PHF3: variants seen among roughly 807,000 people sequenced by gnomAD.
PHF3 encodes PHD finger protein 3.
Under a neutral mutation model 178.4 loss-of-function variants are expected in PHF3, and 41 were observed. That is an observed-to-expected ratio of 0.23 (90% CI 0.18 to 0.30). The LOEUF (loss-of-function observed/expected upper bound fraction) is 0.30. PHF3 is among the 10% of genes least tolerant of loss of function. The pLI, the probability that PHF3 is intolerant of heterozygous loss-of-function variation, is 1.00. For missense variants in PHF3, 2,346 were observed against 2,398.1 expected (o/e 0.98, Z 0.45); for synonymous variants, 842 against 800.5 (o/e 1.05, Z -0.88).
chr6:63,644,560 A>G (rs768090643), intron 1 of PHF3, among the ~76,000 whole-genome samples: 4 of 152,208 alleles, frequency 2.6e-5, no homozygotes. Flanking sequence ...GAGAGAATGC[A>G]TGTAAAATAA....
rs371403690 is a variant in PHF3 at position 63,711,858 on chromosome 6, G to T, written c.4270G>T (p.Ala1424Ser). 6.2e-7 allele frequency: 1 copy of T among 1,613,944 alleles called. No individual in the cohort carries two copies. The highest frequency in any genetic ancestry group is 1.3e-5 in the African/African-American group (1 of 74,910). The change falls in exon 16 of 16, where the codon GCA becomes TCA. Residue 1424 changes from alanine to serine, a missense_variant. Transcript: ENST00000262043. ...QQNLQEDLPT[A>S]VEPLMEVTKQ... ...GAATCTTCAGGAAGACCTTCCAACA[G>T]CAGTTGAACCTTTAATGGAAGTCAC...
At chr6:63,693,786 A>T (rs1767110794) in intron 5 of PHF3, among the ~76,000 whole-genome samples, 1 of 152,038 alleles carries the variant, frequency 6.6e-6, no homozygotes, top group African/African-American at 2.4e-5. Context: ...TCTCTCTTGG[A>T]CTTGTCTGAT....
chr6:63,648,399 A>C (rs1040980700), intron 2 of PHF3, among the ~76,000 whole-genome samples: 1 of 152,168 alleles, frequency 6.6e-6, no homozygotes, highest in Non-Finnish European at 1.5e-5. Context: ...TAATATTAAC[A>C]TGGTTGTTGC....
intron 2 of PHF3, among the ~76,000 whole-genome samples, chr6:63,669,058 A>T (rs1037349600): frequency 1.4e-4 from 22 of 152,234 alleles, no homozygotes; most frequent in African/African-American, 5.3e-4. Context: ...AATGTTGATC[A>T]TGCTTTAAAT....
In PHF3 at chr6:63,706,850, T is replaced by C. The variant is rs1485782368; in HGVS notation, c.3685T>C (p.Ser1229Pro). The change falls in exon 13 of 16, where the codon TCT becomes CCT. Residue 1229 changes from serine (S) to proline (P), a missense_variant. Transcript: ENST00000262043. ...ATTTGTTACCAAAGCCTATCCAGTATCTGGCTCCCCAGAATACCTGACAGA... is the reference window on the plus strand; with the variant it reads ...ATTTGTTACCAAAGCCTATCCAGTACCTGGCTCCCCAGAATACCTGACAGA... ...AKFVTKAYPV[S>P]GSPEYLTEDL... The C allele has an allele frequency of 6.2e-7, 1 of 1,614,024 alleles. No individual in the cohort carries two copies. The highest frequency in any genetic ancestry group is 1.3e-5 in the African/African-American group (1 of 75,060).
chr6:63,710,795 T>C (rs1207922337), intron 14 of PHF3, among the ~76,000 whole-genome samples: 2 of 152,152 alleles, frequency 1.3e-5, no homozygotes, highest in Non-Finnish European at 2.9e-5. Context: ...AGCAGCCCTT[T>C]GTGGAGGTTA....
intron 2 of PHF3, among the ~76,000 whole-genome samples, chr6:63,663,884 A>G (rs561672415): frequency 2.0e-5 from 3 of 152,320 alleles, no homozygotes; most frequent in South Asian, 2.1e-4. Flanking sequence ...ATTCCACTCA[A>G]TAAAAAAGGG....
intron 9 of PHF3, 22 bp downstream of exon 9, chr6:63,700,488 C>T: frequency 8.2e-7 from 1 of 1,223,352 alleles, no homozygotes; most frequent in Non-Finnish European, 1.2e-6. Flanking sequence ...TATAAATATG[C>T]ATTTGACTAT....
rs1768457056 is a variant in PHF3, at chr6:63,722,814, G to T, written c.*9106G>T. The stretch of plus-strand genomic sequence containing the variant: ...TATTCTCCATTGTGGTCTATACCAA[G>T]CCATTCTAGACTGGTTGGAATGTTT... On this transcript the variant is annotated 3_prime_UTR_variant, in exon 16 of 16. Transcript: ENST00000262043. 6.6e-6 allele frequency among the ~76,000 whole-genome samples: 1 copy of T among 152,158 alleles called. No homozygotes were observed. Among genetic ancestry groups the T allele is most frequent in the South Asian group, 2.1e-4 (1 of 4,830 alleles).
At position 63,635,880 on chromosome 6, in the gene PHF3, C is replaced by T; in HGVS notation, c.-296C>T. ...CGATGGCTGCGGGGTCTCGCGCCGT[C>T]GCACCGTCCCCACGCGGCAAGCGAC... On this transcript the variant is annotated 5_prime_UTR_variant, in exon 1 of 16. Coordinates refer to ENST00000262043, the MANE Select transcript of PHF3 (RefSeq NM_001370348.2). The T allele has an allele frequency of 2.5e-6, 1 of 397,754 alleles. No homozygotes were observed. The highest frequency in any genetic ancestry group is 4.4e-5 in the Admixed American group (1 of 22,698). 24.6% of individuals were successfully genotyped at this position (397,754 alleles called of 1,614,324 possible).
At chr6:63,693,230 G>A (rs893282412) in intron 5 of PHF3, among the ~76,000 whole-genome samples, 9 of 152,044 alleles carry the variant, frequency 5.9e-5, no homozygotes, top group South Asian at 4.1e-4. Flanking sequence ...CACCTCTTAC[G>A]TACAGCTTCT....
chr6:63,647,433 T>A (rs1252454673), intron 2 of PHF3, among the ~76,000 whole-genome samples: 1 of 152,210 alleles, frequency 6.6e-6, no homozygotes. Flanking sequence ...CACATTAGAT[T>A]TTGAAGACTC....
In PHF3 at chr6:63,702,492, A is replaced by C. The variant is rs1561978544; in HGVS notation, c.3100-16A>C. On this transcript the variant is annotated splice_polypyrimidine_tract_variant and intron_variant, in intron 9 of 15. Coordinates refer to ENST00000262043, the MANE Select transcript of PHF3 (RefSeq NM_001370348.2). ...TATTTTAAATTTAATATTTTTAAAAAAGTATTTTCTGTTAGACCATAGAAA... is the reference window on the plus strand; with the variant it reads ...TATTTTAAATTTAATATTTTTAAAACAGTATTTTCTGTTAGACCATAGAAA... 4 of 1,532,012 alleles carry C rather than the reference A, an allele frequency of 2.6e-6. No individual in the cohort carries two copies. Among genetic ancestry groups the C allele is most frequent in the Non-Finnish European group, 3.5e-6 (4 of 1,136,020 alleles). The allele number at this position is 1,532,012 out of a possible 1,614,324, so 94.9% of individuals were successfully genotyped here.
rs538720054 is a variant in PHF3 at position 63,712,471 on chromosome 6, A to T, written c.4883A>T (p.Asn1628Ile). ...SNVGKGNIDGNVSCSENLVAN... is the reference protein window; with the variant it reads ...SNVGKGNIDGIVSCSENLVAN... ...GTAGGAAAAGGAAACATAGATGGTA[A>T]TGTGAGCTGTAGTGAAAACCTTGTT... is the stretch of plus-strand genomic sequence containing the variant. The change falls in exon 16 of 16, where the codon AAT (asparagine) becomes ATT (isoleucine). Residue 1628 changes from asparagine (N) to isoleucine (I), a missense_variant. By Grantham distance (149) the Asn-to-Ile change is moderately radical. This residue lies in a region of PHF3 where 839 missense variants were observed against 806.9 expected (regional missense o/e 1.04). Transcript: ENST00000262043. 41 of 1,614,018 alleles carry T rather than the reference A, an allele frequency of 2.5e-5. No individual in the cohort carries two copies. Among genetic ancestry groups the T allele is most frequent in the Middle Eastern group, 1.6e-4 (1 of 6,062 alleles).
In PHF3 at chr6:63,721,758, TGAACG is replaced by T. The variant is rs1456047165; in HGVS notation, c.*8055_*8059del. 1 of 1,551,202 alleles carries T rather than the reference TGAACG, an allele frequency of 6.4e-7. No homozygotes were observed. Among genetic ancestry groups the T allele is most frequent in the Admixed American group, 2.0e-5 (1 of 50,956 alleles). On this transcript the variant is annotated 3_prime_UTR_variant, in exon 16 of 16. Transcript: ENST00000262043. ...TCTGTCGCCAAGGTTGTAGCGAAGT[TGAACG>T]GAACTATTTACTAAAGAGATGCATA... is the stretch of plus-strand genomic sequence containing the variant.
At chr6:63,706,319 G>A in intron 12 of PHF3, 95 bp downstream of exon 12, 1 of 904,096 alleles carries the variant, frequency 1.1e-6, no homozygotes, top group Admixed American at 2.8e-5. Flanking sequence ...GACATTTTGG[G>A]AACCTCTCAT....
chr6:63,721,263 T>A lies in PHF3; in HGVS notation c.*7555T>A. 1 of 1,551,938 alleles carries A rather than the reference T, an allele frequency of 6.4e-7. No homozygotes were observed. The highest frequency in any genetic ancestry group is 8.7e-7 in the Non-Finnish European group (1 of 1,146,978). On this transcript the variant is annotated 3_prime_UTR_variant, in exon 16 of 16. Transcript: ENST00000262043. ...TTGGTCAGGTATACATAAAGATTGGTGGAGGCAAAGATTATTCAAACAGGA... is the reference window on the plus strand; with the variant it reads ...TTGGTCAGGTATACATAAAGATTGGAGGAGGCAAAGATTATTCAAACAGGA...
chr6:63,711,064 A>G (rs1582124120), intron 14 of PHF3, 103 bp from the exon 15 acceptor site: 1 of 744,870 alleles, frequency 1.3e-6, no homozygotes, highest in Middle Eastern at 3.6e-4. Context: ...TGGTACCATC[A>G]TTATAAAGTT....
intron 11 of PHF3, among the ~76,000 whole-genome samples, chr6:63,705,572 C>T (rs2082460599): frequency 1.3e-5 from 2 of 152,174 alleles, no homozygotes; most frequent in South Asian, 4.1e-4. Context: ...TGGTTTCATC[C>T]TGAAACCATC....
Sources: gnomAD v4.1 joint callset for allele counts (sites outside exome capture counted in the v4.1 genomes callset) on GRCh38, gnomAD v4.1.1 for gene constraint, gnomAD v4.1.1 regional missense constraint, MANE v1.5 for transcripts, NCBI Gene and HGNC (gene_info 2026-07-23, HGNC 2026-07-21) for gene names.